The following EFHD1 variants were observed in gnomAD, a reference collection of about 807,000 sequenced individuals.
EFHD1 encodes the protein EF-hand domain family member D1, also known as EF-hand domain-containing protein D1.
A neutral mutation model predicts 17.2 loss-of-function variants in EFHD1; 10 were observed. That is an observed-to-expected ratio of 0.58 (90% CI 0.36 to 0.99). The LOEUF is 0.99. Ranked by LOEUF, EFHD1 falls within the 50% of genes least tolerant of loss-of-function variation. The pLI, the probability that EFHD1 is intolerant of heterozygous loss-of-function variation, is 0.01. For missense variants in EFHD1, 310 were observed against 327.5 expected (o/e 0.95, Z 0.41); for synonymous variants, 153 against 142.0 (o/e 1.08, Z -0.55).
intron 1 of EFHD1, among the ~76,000 whole-genome samples, chr2:232,618,958 A>G (rs1313237752): frequency 1.3e-5 from 2 of 152,162 alleles, no homozygotes; most frequent in East Asian, 3.9e-4. Flanking sequence ...AGCCTGACCA[A>G]CATGGTGAAA....
At chr2:232,615,677 T>C (rs560497894) in intron 1 of EFHD1, among the ~76,000 whole-genome samples, 11 of 145,110 alleles carry the variant, frequency 7.6e-5, no homozygotes, top group Middle Eastern at 3.5e-3. Context: ...ATTTTCTTTT[T>C]CTTTTCCTTT....
intron 1 of EFHD1, among the ~76,000 whole-genome samples, chr2:232,619,293 G>A (rs896278689): frequency 6.8e-6 from 1 of 146,540 alleles, no homozygotes; most frequent in African/African-American, 2.5e-5. Flanking sequence ...GAAATAAAGG[G>A]TGATTTCTTT....
At chr2:232,633,134 G>T (rs1299206813), upstream of EFHD1, 1 of 152,120 alleles carries the variant, frequency 6.6e-6, no homozygotes, top group East Asian at 1.9e-4. Context: ...CGCTCCGGGC[G>T]GGCGCCTCCC....
intron 1 of EFHD1, among the ~76,000 whole-genome samples, chr2:232,657,436 A>G (rs1012025925): frequency 2.6e-5 from 4 of 152,258 alleles, no homozygotes; most frequent in East Asian, 1.9e-4. Context: ...ATGAAATTCC[A>G]TTGTTTGTAT....
chr2:232,640,318 G>A (rs978297468), intron 1 of EFHD1, among the ~76,000 whole-genome samples: 11 of 152,166 alleles, frequency 7.2e-5, no homozygotes, highest in South Asian at 6.2e-4. Context: ...GGTTCATGTC[G>A]TGGCTGAGCT....
chr2:232,673,682 G>T (rs16829401), intron 3 of EFHD1, among the ~76,000 whole-genome samples: 6,387 of 152,090 alleles, frequency 0.042, 242 homozygotes, highest in East Asian at 0.21. Context: ...ATAATTTATC[G>T]TTTCAAGGCA....
chr2:232,667,481 G>A (rs1323658571), intron 2 of EFHD1, among the ~76,000 whole-genome samples: 1 of 152,054 alleles, frequency 6.6e-6, no homozygotes, highest in Non-Finnish European at 1.5e-5. Context: ...CCTCCTCCAG[G>A]CCACTGTGTC....
intron 3 of EFHD1, among the ~76,000 whole-genome samples, chr2:232,676,229 G>A (rs1276841826): frequency 6.6e-6 from 1 of 152,146 alleles, no homozygotes; most frequent in Non-Finnish European, 1.5e-5. Context: ...TGTGGTTTGA[G>A]GAGGAAAAGT....
intron 3 of EFHD1, among the ~76,000 whole-genome samples, chr2:232,679,137 A>C (rs1437949955): frequency 6.6e-6 from 1 of 152,224 alleles, no homozygotes; most frequent in African/African-American, 2.4e-5. Flanking sequence ...ACACAAAACC[A>C]TAAAGGTATT....
chr2:232,615,271 G>A (rs1693904524), intron 1 of EFHD1, among the ~76,000 whole-genome samples: 1 of 151,670 alleles, frequency 6.6e-6, no homozygotes, highest in Non-Finnish European at 1.5e-5. Flanking sequence ...TACTGTTGGG[G>A]GGGCATCCTT....
intron 3 of EFHD1, among the ~76,000 whole-genome samples, chr2:232,678,175 C>T (rs547766083): frequency 6.0e-5 from 9 of 151,222 alleles, no homozygotes; most frequent in Non-Finnish European, 8.8e-5. Flanking sequence ...CCCAGCTACT[C>T]GGGAGGCAGG....
chr2:232,626,677 T>C lies in EFHD1; in HGVS notation c.14+20504T>C, dbSNP rs182627944. ...GCAGATGAAAGTCTGTTAGTCATCT[T>C]GAGAAAAGCATTTGTGCTGTTGTTT... On this transcript the variant is annotated intron_variant, in intron 1 of 3. Transcript: ENST00000409613. Among the ~76,000 whole-genome samples, 281 of 152,274 alleles carry C rather than the reference T, an allele frequency of 1.8e-3. 3 individuals are homozygous for C. Among genetic ancestry groups the C allele is most frequent in the African/African-American group, 6.3e-3 (263 of 41,552 alleles).
At chr2:232,607,625 A>T (rs1348290719) in intron 1 of EFHD1, among the ~76,000 whole-genome samples, 1 of 151,502 alleles carries the variant, frequency 6.6e-6, no homozygotes, top group Non-Finnish European at 1.5e-5. Flanking sequence ...GTGTAGTGCC[A>T]TGCGCTTATA....
chr2:232,632,900 A>C (rs1002104712), upstream of EFHD1, among the ~76,000 whole-genome samples: 1 of 152,222 alleles, frequency 6.6e-6, no homozygotes, highest in Non-Finnish European at 1.5e-5. Flanking sequence ...GGGATTGCGG[A>C]TGTGAGTCTC....
chr2:232,614,044 A>ACATACACATG (rs1491365981), intron 1 of EFHD1, among the ~76,000 whole-genome samples: 1 of 50,106 alleles, frequency 2.0e-5, no homozygotes, highest in Non-Finnish European at 5.2e-5. Flanking sequence ...ACATACACAA[A>ACATACACATG]CACACACATA....
At chr2:232,627,902 A>C (rs959897495) in intron 1 of EFHD1, among the ~76,000 whole-genome samples, 2 of 152,134 alleles carry the variant, frequency 1.3e-5, no homozygotes, top group Non-Finnish European at 2.9e-5. Context: ...ATCATTTTGA[A>C]GTGTACAATT....
chr2:232,669,602 C>CTTT (rs35352156), intron 2 of EFHD1, among the ~76,000 whole-genome samples: 13 of 131,770 alleles, frequency 9.9e-5, no homozygotes, highest in South Asian at 2.5e-4. Context: ...TTTGAGAAGG[C>CTTT]TTTTTTTTTT....
At chr2:232,642,957 A>C (rs1694459414) in intron 1 of EFHD1, among the ~76,000 whole-genome samples, 1 of 152,220 alleles carries the variant, frequency 6.6e-6, no homozygotes, top group African/African-American at 2.4e-5. Flanking sequence ...GAAATGGATC[A>C]TCTCATGGAT....
chr2:232,636,261 G>T (rs1318180538), intron 1 of EFHD1, among the ~76,000 whole-genome samples: 1 of 152,188 alleles, frequency 6.6e-6, no homozygotes, highest in African/African-American at 2.4e-5. Flanking sequence ...TGTGAAGAGT[G>T]AGCACTTGGA....
Sources: allele counts gnomAD v4.1 joint callset (sites outside exome capture counted in the v4.1 genomes callset), GRCh38; gene constraint gnomAD v4.1.1; transcripts MANE v1.5; gene names NCBI Gene and HGNC (gene_info 2026-07-23, HGNC 2026-07-21).